DSG2: variants seen among roughly 807,000 people sequenced by gnomAD.
DSG2 encodes the protein desmoglein-2.
In DSG2, 45 loss-of-function variants were observed where a neutral mutation model predicts 75.6. The ratio of observed to expected loss-of-function variants is 0.60; its 90% CI spans 0.47 to 0.76. The LOEUF (loss-of-function observed/expected upper bound fraction) is 0.76, where lower values mean the gene tolerates loss of function less well. DSG2 is among the 30% of genes least tolerant of loss of function. DSG2 has a pLI of 0.00. For synonymous variants in DSG2, 429 were observed against 483.9 expected, an observed-to-expected ratio of 0.89 and a Z score of 1.49; for missense variants, 1,267 against 1,357.4, an observed-to-expected ratio of 0.93 and a Z score of 1.05.
chr18:31,521,103 C>T lies in DSG2; in HGVS notation c.383C>T (p.Thr128Ile), dbSNP rs764530260. 16 of 1,613,922 alleles carry T rather than the reference C, an allele frequency of 9.9e-6. No individual in the cohort carries two copies. The highest frequency in any genetic ancestry group is 1.3e-5 in the Non-Finnish European group (15 of 1,179,946). The change falls in exon 5 of 15, where the codon ACA becomes ATA. Residue 128 changes from threonine to isoleucine, a missense_variant. By Grantham distance (89) the Thr-to-Ile change is moderately conservative. Coordinates refer to ENST00000261590, the MANE Select transcript of DSG2 (RefSeq NM_001943.5). ...DREETPFFLL[T>I]GYALDARGNN... Reference sequence around the variant, plus strand: ...TTATTTATGTCATGATTTCAGCTAACAGGTTACGCTTTGGATGCAAGAGGA... The same window carrying T: ...TTATTTATGTCATGATTTCAGCTAATAGGTTACGCTTTGGATGCAAGAGGA...
chr18:31,498,328 C>A, intron 1 of DSG2, 32 bp downstream of exon 1: 2 of 1,254,394 alleles, frequency 1.6e-6, no homozygotes, highest in Non-Finnish European at 2.0e-6. Flanking sequence ...GGGGAGCCAC[C>A]GCCGGGGAGG....
At chr18:31,502,847 A>G (rs1023622376) in intron 1 of DSG2, among the ~76,000 whole-genome samples, 1 of 152,212 alleles carries the variant, frequency 6.6e-6, no homozygotes, top group Non-Finnish European at 1.5e-5. Context: ...AAGGACTTTT[A>G]GATCTATTTG....
intron 1 of DSG2, among the ~76,000 whole-genome samples, chr18:31,498,943 T>G (rs909033299): frequency 6.6e-6 from 1 of 152,214 alleles, no homozygotes; most frequent in Non-Finnish European, 1.5e-5. Context: ...TGTAATAGTT[T>G]GAAGCCTTAT....
At position 31,524,529 on chromosome 18, in the gene DSG2, G is replaced by T. The variant is rs1060502865; in HGVS notation, c.772G>T (p.Val258Phe). 6.2e-7 allele frequency: 1 copy of T among 1,614,066 alleles called. No homozygotes were observed. The highest frequency in any genetic ancestry group is 8.5e-7 in the Non-Finnish European group (1 of 1,179,988). Residue 258 changes from valine to phenylalanine, a missense_variant, in exon 7 of 15, where the codon GTT becomes TTT. Physicochemically the swap from Val to Phe is conservative, Grantham distance 50 (BLOSUM62 -1). Transcript: ENST00000261590. Reference sequence around the variant, plus strand: ...AGACAAACCTGTAAAACAAGCTCAAGTTCAGATTCGTATTTTGGATGTCAA... The same window carrying T: ...AGACAAACCTGTAAAACAAGCTCAATTTCAGATTCGTATTTTGGATGTCAA... ...VTDKPVKQAQVQIRILDVNDN... is the reference protein window; with the variant it reads ...VTDKPVKQAQFQIRILDVNDN...
intron 11 of DSG2, among the ~76,000 whole-genome samples, chr18:31,536,957 C>A (rs1454572301): frequency 6.6e-6 from 1 of 152,176 alleles, no homozygotes; most frequent in African/African-American, 2.4e-5. Context: ...TCTGATTCCC[C>A]CCTTCCCCAT....
intron 1 of DSG2, among the ~76,000 whole-genome samples, chr18:31,505,387 A>G (rs1268385142): frequency 6.6e-6 from 1 of 152,190 alleles, no homozygotes; most frequent in Non-Finnish European, 1.5e-5. Flanking sequence ...TGAGTTCCCC[A>G]GAACTATTTT....
At chr18:31,522,344 A>G in intron 6 of DSG2, 95 bp downstream of exon 6, 1 of 1,246,758 alleles carries the variant, frequency 8.0e-7, no homozygotes, top group South Asian at 1.2e-5. Context: ...TTTGTTCTGT[A>G]TTCCTTATCC....
At chr18:31,535,480 C>A in intron 10 of DSG2, 68 bp downstream of exon 10, 1 of 1,375,650 alleles carries the variant, frequency 7.3e-7, no homozygotes, top group Non-Finnish European at 1.0e-6. Context: ...ACATCAGAAA[C>A]CATTGATTTG....
At position 31,536,306 on chromosome 18, in the gene DSG2, G is replaced by GT; in HGVS notation, c.1528_1529insT (p.Ala510ValfsTer26). ...GCCTGTGCAGACAATCTGTCACGAT[G>GT]CAGAGTATGTGAATGTTACTGCAGA... On this transcript the variant is annotated frameshift_variant, in exon 11 of 15. Transcript: ENST00000261590. LOFTEE classifies it high-confidence loss of function. The GT allele has an allele frequency of 6.2e-7, 1 of 1,614,206 alleles. No homozygotes were observed. Among genetic ancestry groups the GT allele is most frequent in the Non-Finnish European group, 8.5e-7 (1 of 1,180,042 alleles).
At chr18:31,499,441 T>G (rs961480018) in intron 1 of DSG2, among the ~76,000 whole-genome samples, 4 of 152,030 alleles carry the variant, frequency 2.6e-5, no homozygotes, top group African/African-American at 9.7e-5. Context: ...CCATGAACTC[T>G]CAGGTGGAAG....
At chr18:31,527,184 A>G (rs2073167744) in intron 8 of DSG2, among the ~76,000 whole-genome samples, 1 of 152,224 alleles carries the variant, frequency 6.6e-6, no homozygotes, top group Non-Finnish European at 1.5e-5. Flanking sequence ...TTAAGTACAC[A>G]AATACTATTA....
chr18:31,531,319 TAATC>T, intron 9 of DSG2, 67 bp downstream of exon 9: 1 of 1,554,644 alleles, frequency 6.4e-7, no homozygotes, highest in Non-Finnish European at 8.8e-7. Context: ...TCAAAAATCA[TAATC>T]AAATCTGAAC....
At chr18:31,545,411 A>G (rs898122019) in intron 14 of DSG2, among the ~76,000 whole-genome samples, 2 of 152,164 alleles carry the variant, frequency 1.3e-5, no homozygotes, top group African/African-American at 4.8e-5. Context: ...CAACTATCAC[A>G]CTATCTTTTA....
intron 1 of DSG2, among the ~76,000 whole-genome samples, chr18:31,506,506 G>T (rs2073039899): frequency 6.6e-6 from 1 of 152,120 alleles, no homozygotes; most frequent in South Asian, 2.1e-4. Flanking sequence ...ATTGCCTGTC[G>T]GTTAATTTCT....
At chr18:31,539,209 G>A (rs975346383) in intron 12 of DSG2, among the ~76,000 whole-genome samples, 5 of 152,130 alleles carry the variant, frequency 3.3e-5, no homozygotes, top group African/African-American at 1.2e-4. Context: ...CAGTAACTTA[G>A]GAACTATTGG....
Position 31,542,901 on chromosome 18 carries a change from GTATGTGAATGTGA to G in DSG2, c.2334+53_2334+65del, listed in dbSNP as rs768277084. 13 of 1,041,138 alleles carry G rather than the reference GTATGTGAATGTGA, an allele frequency of 1.2e-5. No individual in the cohort carries two copies. The African/African-American group carries it at 2.0e-4, about 16-fold the overall frequency. The allele number at this position is 1,041,138 out of a possible 1,614,324, so 64.5% of individuals were successfully genotyped here. ...GTGGTGGGGGGTGGGGGGAACATTTGTATGTGAATGTGATATTATTAGGGTAATCATTGCCTTG... is the reference window on the plus strand; with the variant it reads ...GTGGTGGGGGGTGGGGGGAACATTTGTATTATTAGGGTAATCATTGCCTTG... On this transcript the variant is annotated intron_variant, in intron 14 of 14. Transcript: ENST00000261590.
Position 31,524,718 on chromosome 18 carries a change from G to A in DSG2, c.844G>A (p.Glu282Lys). 1 of 1,614,136 alleles carries A rather than the reference G, an allele frequency of 6.2e-7. No individual in the cohort carries two copies. The change falls in exon 8 of 15, where the codon GAA becomes AAA. Residue 282 changes from glutamate to lysine, a missense_variant. Transcript: ENST00000261590. ...TGTTTTGCAGCTTGAAGGGATGGTT[G>A]AAGAAAATCAAGTCAACGTAGAAGT... The part of the protein sequence containing the change: ...VENKVLEGMV[E>K]ENQVNVEVTR...
At chr18:31,507,067 T>C (rs1797536710) in intron 1 of DSG2, among the ~76,000 whole-genome samples, 1 of 152,174 alleles carries the variant, frequency 6.6e-6, no homozygotes, top group African/African-American at 2.4e-5. Flanking sequence ...CCTAGTACTA[T>C]CCCTCCCCTA....
intron 1 of DSG2, 91 bp downstream of exon 1, chr18:31,498,387 C>G: frequency 8.2e-7 from 1 of 1,215,698 alleles, no homozygotes; most frequent in Non-Finnish European, 1.0e-6. Flanking sequence ...GCCCGCCGCC[C>G]TTGTGCGCGT....
Sources: gnomAD v4.1 joint callset for allele counts (sites outside exome capture counted in the v4.1 genomes callset) on GRCh38, gnomAD v4.1.1 for gene constraint, MANE v1.5 for transcripts, NCBI Gene and HGNC (gene_info 2026-07-23, HGNC 2026-07-21) for gene names.